Variants in PARD3 observed in about 807,000 individuals in gnomAD.
The protein encoded by PARD3 is par-3 family cell polarity regulator.
A neutral mutation model predicts 155.4 loss-of-function variants in PARD3; 75 were observed. The ratio of observed to expected loss-of-function variants is 0.48; its 90% CI spans 0.40 to 0.58. The LOEUF is 0.58. PARD3 is among the 20% of genes least tolerant of loss of function. PARD3 has a pLI of 0.00. For missense variants in PARD3, 1,642 were observed against 1,721.7 expected (o/e 0.95, Z 0.82); for synonymous variants, 576 against 610.5 (o/e 0.94, Z 0.83).
chr10:34,231,638 AT>A (rs1952938904), intron 22 of PARD3, among the ~76,000 whole-genome samples: 1 of 151,678 alleles, frequency 6.6e-6, no homozygotes, highest in Non-Finnish European at 1.5e-5. Flanking sequence ...TTAAATCTTC[AT>A]CTTTTTTTTT....
intron 3 of PARD3, among the ~76,000 whole-genome samples, chr10:34,480,178 T>C (rs949048497): frequency 2.6e-5 from 4 of 152,200 alleles, no homozygotes; most frequent in Non-Finnish European, 5.9e-5. Flanking sequence ...AAGGAAACAA[T>C]CCAGCTCAGA....
intron 23 of PARD3, among the ~76,000 whole-genome samples, chr10:34,129,212 G>C (rs868360394): frequency 1.1e-4 from 16 of 152,170 alleles, no homozygotes; most frequent in African/African-American, 3.6e-4. Flanking sequence ...GAGGGCAGTG[G>C]TGCAATCTTG....
At chr10:34,181,537 A>G (rs944699091) in intron 22 of PARD3, among the ~76,000 whole-genome samples, 1 of 152,236 alleles carries the variant, frequency 6.6e-6, no homozygotes, top group Non-Finnish European at 1.5e-5. Flanking sequence ...AAAGGCAGAT[A>G]CAACCCAAAG....
In PARD3 at chr10:34,801,030, G is replaced by C. The variant is rs931263513; in HGVS notation, c.120+13846C>G. The stretch of plus-strand genomic sequence containing the variant: ...CTCTAAGATCTGTCAAAAATTCTCC[G>C]AATTATTTCTCTGCAATTTTGTTAT... On this transcript the variant is annotated intron_variant, in intron 1 of 24. Coordinates refer to ENST00000374788, the MANE Select transcript of PARD3 (RefSeq NM_001184785.2). Among the ~76,000 whole-genome samples, 4 of 152,120 alleles carry C rather than the reference G, an allele frequency of 2.6e-5. No individual in the cohort carries two copies. The South Asian group carries it at 8.3e-4, about 32-fold the overall frequency.
intron 22 of PARD3, among the ~76,000 whole-genome samples, chr10:34,158,065 G>A (rs1352706866): frequency 6.6e-6 from 1 of 152,058 alleles, no homozygotes; most frequent in Non-Finnish European, 1.5e-5. Flanking sequence ...AAACATTGCT[G>A]ATGTCAGCCT....
intron 16 of PARD3, among the ~76,000 whole-genome samples, chr10:34,341,168 T>C (rs1836776196): frequency 7.2e-6 from 1 of 138,782 alleles, no homozygotes; most frequent in Admixed American, 7.8e-5. Flanking sequence ...TTAAACAGTA[T>C]GGTTATAGCA....
At chr10:34,531,411 T>TTC (rs1274761363) in intron 2 of PARD3, among the ~76,000 whole-genome samples, 1 of 152,196 alleles carries the variant, frequency 6.6e-6, no homozygotes, top group Non-Finnish European at 1.5e-5. Flanking sequence ...TGGCATTAAA[T>TTC]TCTCCAGCTT....
At chr10:34,348,989 T>C (rs1356136943) in intron 14 of PARD3, among the ~76,000 whole-genome samples, 1 of 97,176 alleles carries the variant, frequency 1.0e-5, no homozygotes, top group Non-Finnish European at 1.9e-5. Flanking sequence ...TTCAAACAAA[T>C]CTGTTTTAAT....
chr10:34,221,024 T>C (rs1952253413), intron 22 of PARD3, among the ~76,000 whole-genome samples: 1 of 152,164 alleles, frequency 6.6e-6, no homozygotes, highest in Non-Finnish European at 1.5e-5. Context: ...CCATCCCCAA[T>C]ATCTTCCCTT....
At chr10:34,585,418 A>G (rs2087918349) in intron 2 of PARD3, among the ~76,000 whole-genome samples, 2 of 152,314 alleles carry the variant, frequency 1.3e-5, no homozygotes, top group African/African-American at 4.8e-5. Context: ...TCAATCTATT[A>G]GGAACTGAAA....
intron 2 of PARD3, among the ~76,000 whole-genome samples, chr10:34,660,890 A>G (rs139577225): frequency 6.6e-6 from 1 of 152,198 alleles, no homozygotes; most frequent in Non-Finnish European, 1.5e-5. Context: ...GTTTCATTAT[A>G]ATTTTTTAAA....
chr10:34,325,975 C>T (rs1016183073), intron 19 of PARD3, among the ~76,000 whole-genome samples: 2 of 151,702 alleles, frequency 1.3e-5, no homozygotes, highest in Non-Finnish European at 2.9e-5. Context: ...ACAAAAATCA[C>T]TTGGGCATGG....
At chr10:34,212,663 G>A (rs1951810408) in intron 22 of PARD3, among the ~76,000 whole-genome samples, 1 of 152,022 alleles carries the variant, frequency 6.6e-6, no homozygotes, top group Admixed American at 6.6e-5. Context: ...AGTTGGGGCA[G>A]GGGGGGTTCT....
chr10:34,377,347 G>A (rs987226361), intron 10 of PARD3, among the ~76,000 whole-genome samples: 2 of 152,114 alleles, frequency 1.3e-5, no homozygotes, highest in African/African-American at 2.4e-5. Context: ...GAGGGCTAAC[G>A]TCTGTAATCC....
intron 2 of PARD3, among the ~76,000 whole-genome samples, chr10:34,692,005 G>A (rs10400192): frequency 0.31 from 47,783 of 152,062 alleles, 7,949 homozygotes; most frequent in East Asian, 0.51. Context: ...GCCGAGGCAG[G>A]TGGATTGCCT....
At chr10:34,189,207 T>C (rs1950606253) in intron 22 of PARD3, among the ~76,000 whole-genome samples, 1 of 151,848 alleles carries the variant, frequency 6.6e-6, no homozygotes, top group South Asian at 2.1e-4. Context: ...CTGGGCATGG[T>C]CCCCAGCTAC....
chr10:34,702,485 C>T (rs1260072699), intron 1 of PARD3, among the ~76,000 whole-genome samples: 1 of 152,194 alleles, frequency 6.6e-6, no homozygotes, highest in Admixed American at 6.5e-5. Context: ...ACAGTGACTG[C>T]CCCTCCCAGC....
intron 20 of PARD3, among the ~76,000 whole-genome samples, chr10:34,302,903 T>G (rs1957219273): frequency 6.6e-6 from 1 of 152,116 alleles, no homozygotes; most frequent in Non-Finnish European, 1.5e-5. Flanking sequence ...CAGGACCTAC[T>G]TACTCAGTGA....
intron 23 of PARD3, among the ~76,000 whole-genome samples, chr10:34,122,584 T>C (rs774776892): frequency 6.6e-6 from 1 of 152,212 alleles, no homozygotes; most frequent in Non-Finnish European, 1.5e-5. Context: ...AATAGTTTAC[T>C]CCATTTCTCT....
Sources: gnomAD v4.1 joint callset for allele counts (sites outside exome capture counted in the v4.1 genomes callset) on GRCh38, gnomAD v4.1.1 for gene constraint, MANE v1.5 for transcripts, NCBI Gene and HGNC (gene_info 2026-07-23, HGNC 2026-07-21) for gene names.